VSNL1: variants seen among roughly 807,000 people sequenced by gnomAD.
The protein encoded by VSNL1 is visinin like 1, also known as visinin-like protein 1.
VSNL1 carries 6 observed loss-of-function variants against 20.4 expected under a neutral mutation model. The ratio of observed to expected loss-of-function variants is 0.29; its 90% CI spans 0.16 to 0.58. The LOEUF is 0.58. Ranked by LOEUF, VSNL1 falls within the 20% of genes least tolerant of loss-of-function variation. VSNL1 has a pLI of 0.90. For missense variants in VSNL1, 100 were observed against 234.5 expected (o/e 0.43, Z 3.75); for synonymous variants, 93 against 86.4 (o/e 1.08, Z -0.42).
chr2:17,634,124 G>A lies in VSNL1; in HGVS notation c.163-15286G>A, dbSNP rs1273482003. Among the ~76,000 whole-genome samples, 2 of 152,128 alleles carry A rather than the reference G, an allele frequency of 1.3e-5. No homozygotes were observed. Among genetic ancestry groups the A allele is most frequent in the Non-Finnish European group, 2.9e-5 (2 of 68,026 alleles). On this transcript the variant is annotated intron_variant, in intron 2 of 3. Coordinates refer to ENST00000295156, the MANE Select transcript of VSNL1 (RefSeq NM_003385.5). This position sits in a 1 kb window ranked among gnomAD's most constrained non-coding sequence, Gnocchi z 4.3. ...CATCCTGGAGTGTGGGGGAGAAGGT[G>A]GAGGAGGGCATCAAAGAGCGTGCAG...
intron 2 of VSNL1, among the ~76,000 whole-genome samples, chr2:17,643,121 A>C (rs1558310208): frequency 6.6e-6 from 1 of 152,144 alleles, no homozygotes. Context: ...GAGGGCAGAG[A>C]CCAGACCTTC....
intron 1 of VSNL1, among the ~76,000 whole-genome samples, chr2:17,556,827 C>T (rs966550496): frequency 1.3e-5 from 2 of 152,122 alleles, no homozygotes; most frequent in Non-Finnish European, 2.9e-5. Flanking sequence ...CAAATGGTCT[C>T]TAAGAGATGG....
chr2:17,621,575 C>T (rs1188338210), intron 2 of VSNL1, among the ~76,000 whole-genome samples: 1 of 152,182 alleles, frequency 6.6e-6, no homozygotes. Flanking sequence ...CTGCCCGCCT[C>T]AGCTTCCTAA....
At chr2:17,616,670 C>A (rs942442796) in intron 2 of VSNL1, among the ~76,000 whole-genome samples, 1 of 152,224 alleles carries the variant, frequency 6.6e-6, no homozygotes, top group African/African-American at 2.4e-5. Flanking sequence ...AGGTCAGGGG[C>A]TAGCTGAGTA....
chr2:17,597,541 T>C (rs560045203), intron 2 of VSNL1, among the ~76,000 whole-genome samples: 38 of 152,290 alleles, frequency 2.5e-4, no homozygotes, highest in African/African-American at 9.1e-4. Context: ...GAGAGAGCCC[T>C]AGAGTCCAAT....
At chr2:17,630,750 G>T (rs745647734) in intron 2 of VSNL1, among the ~76,000 whole-genome samples, 4 of 151,956 alleles carry the variant, frequency 2.6e-5, no homozygotes, top group Non-Finnish European at 5.9e-5. Flanking sequence ...ACATACACCC[G>T]CATATATGGG....
At chr2:17,579,242 A>C (rs1323707365) in intron 1 of VSNL1, among the ~76,000 whole-genome samples, 1 of 151,834 alleles carries the variant, frequency 6.6e-6, no homozygotes, top group Non-Finnish European at 1.5e-5. Context: ...CAGCCTCCTG[A>C]GTAGCTGGGA....
At chr2:17,602,324 G>T (rs1664839939) in intron 2 of VSNL1, among the ~76,000 whole-genome samples, 2 of 152,166 alleles carry the variant, frequency 1.3e-5, no homozygotes, top group Non-Finnish European at 2.9e-5. Context: ...TGATATTTCT[G>T]TGAATCTGAC....
At chr2:17,585,652 T>C (rs918106575) in intron 1 of VSNL1, among the ~76,000 whole-genome samples, 8 of 152,092 alleles carry the variant, frequency 5.3e-5, no homozygotes, top group African/African-American at 1.9e-4. Context: ...TCATCCCAGC[T>C]CTGCCATCAG....
chr2:17,558,793 T>C (rs1663745712), intron 1 of VSNL1, among the ~76,000 whole-genome samples: 1 of 152,194 alleles, frequency 6.6e-6, no homozygotes, highest in South Asian at 2.1e-4. Context: ...CTTTTTTTTC[T>C]GGAGCAAGAG....
intron 1 of VSNL1, among the ~76,000 whole-genome samples, chr2:17,562,356 C>T (rs1173769690): frequency 2.6e-5 from 4 of 152,068 alleles, no homozygotes; most frequent in African/African-American, 9.7e-5. Context: ...TTGTTGGATT[C>T]CCCCACCTTC....
At chr2:17,612,028 A>C (rs1328931428) in intron 2 of VSNL1, among the ~76,000 whole-genome samples, 2 of 152,140 alleles carry the variant, frequency 1.3e-5, no homozygotes, top group Non-Finnish European at 2.9e-5. Context: ...TTTGTCAGGG[A>C]GAGGACTTTG....
chr2:17,564,360 T>A (rs1297812522), intron 1 of VSNL1, among the ~76,000 whole-genome samples: 1 of 152,236 alleles, frequency 6.6e-6, no homozygotes, highest in Non-Finnish European at 1.5e-5. Context: ...TTCATTTTTG[T>A]AATGAGATGC....
chr2:17,576,587 C>A (rs1475943741), intron 1 of VSNL1, among the ~76,000 whole-genome samples: 1 of 152,136 alleles, frequency 6.6e-6, no homozygotes, highest in Non-Finnish European at 1.5e-5. Flanking sequence ...CTCAGCCTGC[C>A]AGCATAATCC....
chr2:17,606,472 G>A (rs185124033), intron 2 of VSNL1, among the ~76,000 whole-genome samples: 41 of 152,336 alleles, frequency 2.7e-4, no homozygotes, highest in Admixed American at 2.4e-3. Flanking sequence ...AGGGCCAGGA[G>A]GCTGAGGGTC....
rs752111423 is a variant in VSNL1 at position 17,634,641 on chromosome 2, TAAG to T, written c.163-14766_163-14764del. The stretch of plus-strand genomic sequence containing the variant: ...CATCTCTCCTCTGAGATCAGCAAAG[TAAG>T]AATGAGCCTCTCAGGTCGTAGTAGG... On this transcript the variant is annotated intron_variant, in intron 2 of 3. Transcript: ENST00000295156. This position sits in a 1 kb window ranked among gnomAD's most constrained non-coding sequence, Gnocchi z 4.3. Among the ~76,000 whole-genome samples, 1 of 152,166 alleles carries T rather than the reference TAAG, an allele frequency of 6.6e-6. No homozygotes were observed. The highest frequency in any genetic ancestry group is 2.4e-5 in the African/African-American group (1 of 41,454).
chr2:17,617,495 T>TA lies in VSNL1; in HGVS notation c.162+25271dup, dbSNP rs113227311. Among the ~76,000 whole-genome samples, 299 of 144,780 alleles carry TA rather than the reference T, an allele frequency of 2.1e-3. 3 individuals are homozygous for TA. Among genetic ancestry groups the TA allele is most frequent in the South Asian group, 8.2e-3 (37 of 4,510 alleles). The allele number at this position is 144,780 out of a possible 152,430, so 95.0% of individuals were successfully genotyped here. On this transcript the variant is annotated intron_variant, in intron 2 of 3. Coordinates refer to ENST00000295156, the MANE Select transcript of VSNL1 (RefSeq NM_003385.5). Reference sequence around the variant, plus strand: ...TTGGCAACAGAGCAAGACTCTGTCTTAAAAAAAAAAAAGAGGTCTTGAGAC... The same window carrying TA: ...TTGGCAACAGAGCAAGACTCTGTCTTAAAAAAAAAAAAAGAGGTCTTGAGAC...
chr2:17,566,366 C>T (rs998433553), intron 1 of VSNL1, among the ~76,000 whole-genome samples: 2 of 152,126 alleles, frequency 1.3e-5, no homozygotes, highest in Non-Finnish European at 2.9e-5. Flanking sequence ...TTCCCACCAG[C>T]AGTATATTAG....
intron 2 of VSNL1, among the ~76,000 whole-genome samples, chr2:17,593,471 A>T (rs1424604077): frequency 6.6e-6 from 1 of 152,226 alleles, no homozygotes; most frequent in Non-Finnish European, 1.5e-5. Context: ...ATAAAATCAT[A>T]TAAAAAGAAA....
Sources: allele counts gnomAD v4.1 joint callset (sites outside exome capture counted in the v4.1 genomes callset), GRCh38; gene constraint gnomAD v4.1.1; non-coding constraint Gnocchi (gnomAD v3.1); transcripts MANE v1.5; gene names NCBI Gene and HGNC (gene_info 2026-07-23, HGNC 2026-07-21).